MARCHF1: variants seen among roughly 807,000 people sequenced by gnomAD.
The protein encoded by MARCHF1 is membrane associated ring-CH-type finger 1.
A neutral mutation model predicts 54.2 loss-of-function variants in MARCHF1; 40 were observed. That is an observed-to-expected ratio of 0.74 (90% CI 0.57 to 0.96). The LOEUF (loss-of-function observed/expected upper bound fraction) is 0.96, where lower values mean the gene tolerates loss of function less well. Among genes scored for constraint, MARCHF1 ranks in the 40% least tolerant of loss-of-function variants. The pLI, the probability that MARCHF1 is intolerant of heterozygous loss-of-function variation, is 0.00. For missense variants in MARCHF1, 586 were observed against 656.5 expected, an observed-to-expected ratio of 0.89 and a Z score of 1.17; for synonymous variants, 236 against 236.3, an observed-to-expected ratio of 1.00 and a Z score of 0.01.
intron 1 of MARCHF1, among the ~76,000 whole-genome samples, chr4:164,332,648 G>C (rs1056707056): frequency 6.6e-6 from 1 of 152,164 alleles, no homozygotes; most frequent in Non-Finnish European, 1.5e-5. Flanking sequence ...GCCTTGAACA[G>C]AGAAAAGGAG....
chr4:163,719,179 C>T (rs190700841), intron 4 of MARCHF1, among the ~76,000 whole-genome samples: 1 of 150,280 alleles, frequency 6.7e-6, no homozygotes, highest in Non-Finnish European at 1.5e-5. Context: ...TTCCCTCCCC[C>T]CTCCCCCAAC....
intron 3 of MARCHF1, among the ~76,000 whole-genome samples, chr4:163,956,860 G>T (rs1752242400): frequency 6.6e-6 from 1 of 151,990 alleles, no homozygotes; most frequent in Non-Finnish European, 1.5e-5. Flanking sequence ...AACTTACTGT[G>T]ATAGTTATAC....
Position 164,288,299 on chromosome 4 carries a change from T to C in MARCHF1, c.-323+95571A>G, listed in dbSNP as rs74423109. ...TAAAGTACATTAAAAGTCAGAATTGTGATCTTGAAATTAATATTCTTATTA... is the reference window on the plus strand; with the variant it reads ...TAAAGTACATTAAAAGTCAGAATTGCGATCTTGAAATTAATATTCTTATTA... On this transcript the variant is annotated intron_variant, in intron 1 of 9. Coordinates refer to ENST00000514618, the MANE Select transcript of MARCHF1 (RefSeq NM_001394959.1). 8.8e-3 allele frequency among the ~76,000 whole-genome samples: 1,340 copies of C among 152,218 alleles called. 26 individuals carry two copies. The highest frequency in any genetic ancestry group is 0.03 in the African/African-American group (1,257 of 41,574).
chr4:164,313,743 A>C (rs1437732420), intron 1 of MARCHF1, among the ~76,000 whole-genome samples: 1 of 152,190 alleles, frequency 6.6e-6, no homozygotes, highest in Non-Finnish European at 1.5e-5. Context: ...AGATTTCCTA[A>C]CTCAGTGGAT....
chr4:163,821,224 A>G (rs747219074), intron 4 of MARCHF1, among the ~76,000 whole-genome samples: 5 of 151,858 alleles, frequency 3.3e-5, no homozygotes, highest in Non-Finnish European at 5.9e-5. Context: ...AAATCTCAAC[A>G]CAAGTGGTCA....
intron 1 of MARCHF1, among the ~76,000 whole-genome samples, chr4:164,339,916 C>A (rs987519481): frequency 3.3e-5 from 5 of 151,792 alleles, no homozygotes; most frequent in African/African-American, 1.2e-4. Context: ...ACAAATAATC[C>A]GAATATTATT....
At chr4:164,206,840 A>C (rs1052707162) in intron 1 of MARCHF1, among the ~76,000 whole-genome samples, 3 of 152,134 alleles carry the variant, frequency 2.0e-5, no homozygotes, top group Non-Finnish European at 1.5e-5. Context: ...TAATAATTTT[A>C]TTTAATAATT....
At chr4:163,670,063 GTGACTTCTTCCAAAGT>G (rs1438651150) in intron 5 of MARCHF1, among the ~76,000 whole-genome samples, 1 of 150,468 alleles carries the variant, frequency 6.6e-6, no homozygotes, top group Non-Finnish European at 1.5e-5. Flanking sequence ...GCCACCATCA[GTGACTTCTTCCAAAGT>G]TTCTTTCTTT....
intron 2 of MARCHF1, among the ~76,000 whole-genome samples, chr4:164,061,795 A>T (rs1754622456): frequency 6.6e-6 from 1 of 152,018 alleles, no homozygotes; most frequent in South Asian, 2.1e-4. Flanking sequence ...AATAATAATG[A>T]TTATCTAAGC....
At chr4:163,535,705 T>A (rs560783976) in intron 9 of MARCHF1, among the ~76,000 whole-genome samples, 8 of 151,990 alleles carry the variant, frequency 5.3e-5, no homozygotes, top group Admixed American at 3.9e-4. Context: ...TAAAAAGAGC[T>A]AAATTATTCT....
rs1254554741 is a variant in MARCHF1, at chr4:163,894,589, TATATATGC to T, written c.-38-40428_-38-40421del. The stretch of plus-strand genomic sequence containing the variant: ...TATATATATGCATGTGATGCATATA[TATATATGC>T]ATGTGATGCATATATATATATGCAT... On this transcript the variant is annotated intron_variant, in intron 3 of 9. Coordinates refer to ENST00000514618, the MANE Select transcript of MARCHF1 (RefSeq NM_001394959.1). Among the ~76,000 whole-genome samples the T allele has an allele frequency of 6.9e-4, 47 of 67,992 alleles. 13 individuals are homozygous for T. The highest frequency in any genetic ancestry group is 1.4e-3 in the East Asian group (2 of 1,412). 44.6% of individuals were successfully genotyped at this position (67,992 alleles called of 152,430 possible).
At chr4:164,116,477 T>C (rs1755942041) in intron 1 of MARCHF1, among the ~76,000 whole-genome samples, 1 of 152,082 alleles carries the variant, frequency 6.6e-6, no homozygotes, top group Non-Finnish European at 1.5e-5. Flanking sequence ...TACAATCCTT[T>C]AAAAACAGAA....
chr4:164,176,960 CTCTCTCTCTCTCTCT>C lies in MARCHF1; in HGVS notation c.-322-65313_-322-65299del, dbSNP rs1441043635. Among the ~76,000 whole-genome samples the C allele has an allele frequency of 4.4e-4, 21 of 47,840 alleles. 3 individuals carry two copies. Among genetic ancestry groups the C allele is most frequent in the Non-Finnish European group, 7.2e-4 (19 of 26,210 alleles). The allele number at this position is 47,840 out of a possible 152,430, so 31.4% of individuals were successfully genotyped here. ...TTGTGCGCTCTCTCTCTCTCTCTCT[CTCTCTCTCTCTCTCT>C]CTCTCTATATATATATATATATATA... is the stretch of plus-strand genomic sequence containing the variant. On this transcript the variant is annotated intron_variant, in intron 1 of 9. Coordinates refer to ENST00000514618, the MANE Select transcript of MARCHF1 (RefSeq NM_001394959.1).
At chr4:163,931,522 T>C (rs1751675343) in intron 3 of MARCHF1, among the ~76,000 whole-genome samples, 1 of 152,168 alleles carries the variant, frequency 6.6e-6, no homozygotes, top group Admixed American at 6.5e-5. Context: ...AGAATATGGT[T>C]GTCTTTGAGA....
chr4:163,602,767 T>C (rs1267757241), intron 7 of MARCHF1, among the ~76,000 whole-genome samples: 1 of 152,120 alleles, frequency 6.6e-6, no homozygotes, highest in African/African-American at 2.4e-5. Flanking sequence ...ATCTTTTACT[T>C]GTAGAACAGA....
At position 164,025,943 on chromosome 4, in the gene MARCHF1, C is replaced by T. The variant is rs568332986; in HGVS notation, c.-247-37234G>A. Among the ~76,000 whole-genome samples, 4 of 152,134 alleles carry T rather than the reference C, an allele frequency of 2.6e-5. No homozygotes were observed. In the South Asian group the frequency reaches 8.3e-4, roughly 32 times the overall value. On this transcript the variant is annotated intron_variant, in intron 2 of 9. Coordinates refer to ENST00000514618, the MANE Select transcript of MARCHF1 (RefSeq NM_001394959.1). Reference sequence around the variant, plus strand: ...GATTATCAGAAACTACTGTGAATAACTCTAGGCACAACAATTAGAAAATAC... The same window carrying T: ...GATTATCAGAAACTACTGTGAATAATTCTAGGCACAACAATTAGAAAATAC...
At chr4:164,189,727 C>T (rs1579608168) in intron 1 of MARCHF1, 2 of 1,151,454 alleles carry the variant, frequency 1.7e-6, no homozygotes, top group East Asian at 2.3e-5. Context: ...CATATCTTTT[C>T]TATAGCTTCT....
chr4:163,891,582 T>C (rs2111271481), intron 3 of MARCHF1, among the ~76,000 whole-genome samples: 1 of 152,220 alleles, frequency 6.6e-6, no homozygotes. Context: ...AAAAAACCTG[T>C]CACCATTGCA....
intron 1 of MARCHF1, among the ~76,000 whole-genome samples, chr4:164,243,590 C>G (rs1205158757): frequency 6.6e-6 from 1 of 150,970 alleles, no homozygotes; most frequent in East Asian, 1.9e-4. Context: ...ATGACAGGAT[C>G]AAATTCACAC....
Sources: allele counts gnomAD v4.1 joint callset (sites outside exome capture counted in the v4.1 genomes callset), GRCh38; gene constraint gnomAD v4.1.1; transcripts MANE v1.5; gene names NCBI Gene and HGNC (gene_info 2026-07-23, HGNC 2026-07-21).